IGSF21: variants seen among roughly 807,000 people sequenced by gnomAD.
IGSF21 encodes immunoglobin superfamily member 21.
IGSF21 carries 28 observed loss-of-function variants against 46.8 expected under a neutral mutation model. That is an observed-to-expected ratio of 0.60 (90% confidence interval 0.44 to 0.82). The LOEUF is 0.82. Among genes scored for constraint, IGSF21 ranks in the 40% least tolerant of loss-of-function variants. The pLI is 0.00. For synonymous variants in IGSF21, 284 were observed against 273.6 expected (o/e 1.04, Z -0.38); for missense variants, 624 against 665.5 (o/e 0.94, Z 0.69).
At chr1:18,272,198 A>T (rs1372618820) in intron 2 of IGSF21, among the ~76,000 whole-genome samples, 1 of 152,028 alleles carries the variant, frequency 6.6e-6, no homozygotes, top group Non-Finnish European at 1.5e-5. Flanking sequence ...CTCTCGTGAG[A>T]CTTATTCACT....
At chr1:18,233,410 A>T (rs577566130) in intron 2 of IGSF21, among the ~76,000 whole-genome samples, 60 of 152,270 alleles carry the variant, frequency 3.9e-4, no homozygotes, top group Middle Eastern at 3.4e-3. Context: ...TTGAGACTAG[A>T]GGCTGGGAAG....
chr1:18,133,320 C>T (rs1214661283), intron 1 of IGSF21, among the ~76,000 whole-genome samples: 1 of 152,200 alleles, frequency 6.6e-6, no homozygotes, highest in Non-Finnish European at 1.5e-5. Flanking sequence ...GGTCTAACCC[C>T]CATGTCACGG....
In IGSF21 at chr1:18,299,443, C is replaced by T. The variant is rs183142736; in HGVS notation, c.305+7456C>T. ...ACAAAGAAAAGTGCCATCTGACCCT[C>T]GTTGATTTCAAAGTCTGAATTCTCC... On this transcript the variant is annotated intron_variant, in intron 3 of 9. Transcript: ENST00000251296. 7.2e-5 allele frequency among the ~76,000 whole-genome samples: 11 copies of T among 152,336 alleles called. No homozygotes were observed. In the East Asian group the frequency reaches 7.7e-4, roughly 11 times the overall value.
intron 2 of IGSF21, among the ~76,000 whole-genome samples, chr1:18,280,933 A>G (rs561231373): frequency 3.3e-5 from 5 of 152,284 alleles, no homozygotes; most frequent in African/African-American, 1.2e-4. Flanking sequence ...CCTCCCTGGC[A>G]GAGCTCCCCG....
At chr1:18,216,895 G>C (rs188034117) in intron 1 of IGSF21, among the ~76,000 whole-genome samples, 2 of 152,168 alleles carry the variant, frequency 1.3e-5, no homozygotes, top group African/African-American at 4.8e-5. Flanking sequence ...TGTAGCACTG[G>C]AACCCAGGGA....
chr1:18,289,812 G>A (rs1193260535), intron 2 of IGSF21, among the ~76,000 whole-genome samples: 1 of 152,148 alleles, frequency 6.6e-6, no homozygotes, highest in Non-Finnish European at 1.5e-5. Flanking sequence ...TATGTCCCCT[G>A]GTGGTTAGGG....
chr1:18,223,569 G>A (rs1195538191), intron 1 of IGSF21, among the ~76,000 whole-genome samples: 1 of 152,172 alleles, frequency 6.6e-6, no homozygotes, highest in Non-Finnish European at 1.5e-5. Context: ...TTACAGGAGG[G>A]TACGAGGACC....
intron 2 of IGSF21, among the ~76,000 whole-genome samples, chr1:18,275,113 C>T (rs1029186257): frequency 1.3e-5 from 2 of 152,146 alleles, no homozygotes; most frequent in African/African-American, 2.4e-5. Flanking sequence ...TCTTAAAAAC[C>T]GATTACAAAT....
rs2085782224 is a variant in IGSF21 at position 18,337,536 on chromosome 1, G to A, written c.424+2526G>A. 6.6e-6 allele frequency among the ~76,000 whole-genome samples: 1 copy of A among 152,106 alleles called. No individual in the cohort carries two copies. Among genetic ancestry groups the A allele is most frequent in the Non-Finnish European group, 1.5e-5 (1 of 68,032 alleles). On this transcript the variant is annotated intron_variant, in intron 4 of 9. Coordinates refer to ENST00000251296, the MANE Select transcript of IGSF21 (RefSeq NM_032880.5). This position sits in a 1 kb window ranked among gnomAD's most constrained non-coding sequence, Gnocchi z 5.7. ...CCCATTCACAGCTCCAAAGAGCCCT[G>A]CACTAGTCTGAGGAATGACTGCTCT...
chr1:18,279,613 G>C (rs1402865737), intron 2 of IGSF21, among the ~76,000 whole-genome samples: 1 of 152,220 alleles, frequency 6.6e-6, no homozygotes. Flanking sequence ...ACCAGTGAGT[G>C]GCTGAGCAGA....
rs150482007 is a variant in IGSF21 at position 18,323,880 on chromosome 1, A to G, written c.306-11012A>G. Among the ~76,000 whole-genome samples, 1,197 of 152,316 alleles carry G rather than the reference A, an allele frequency of 7.9e-3. 8 individuals are homozygous for G. Among genetic ancestry groups the G allele is most frequent in the Non-Finnish European group, 0.013 (871 of 68,024 alleles). Reference sequence around the variant, plus strand: ...TAAAGGCCCTGAAGAAAAAGATTTCAGGCAGCCTTGGAATTGGCGAAAACA... The same window carrying G: ...TAAAGGCCCTGAAGAAAAAGATTTCGGGCAGCCTTGGAATTGGCGAAAACA... On this transcript the variant is annotated intron_variant, in intron 3 of 9. Transcript: ENST00000251296.
At chr1:18,182,494 T>G (rs1018529262) in intron 1 of IGSF21, among the ~76,000 whole-genome samples, 3 of 152,156 alleles carry the variant, frequency 2.0e-5, no homozygotes, top group African/African-American at 7.2e-5. Flanking sequence ...AAAGTGTCTT[T>G]TGAGGGTAAC....
At chr1:18,273,728 A>G (rs1243509649) in intron 2 of IGSF21, among the ~76,000 whole-genome samples, 3 of 151,754 alleles carry the variant, frequency 2.0e-5, no homozygotes, top group Non-Finnish European at 4.4e-5. Flanking sequence ...GTTTCCTTAT[A>G]ATAGAAACCA....
At chr1:18,159,174 C>T (rs1295483327) in intron 1 of IGSF21, among the ~76,000 whole-genome samples, 1 of 152,212 alleles carries the variant, frequency 6.6e-6, no homozygotes, top group Non-Finnish European at 1.5e-5. Flanking sequence ...TGGTGTCCAG[C>T]ACAGCTCCGG....
chr1:18,341,501 T>G (rs1356642368), intron 4 of IGSF21, among the ~76,000 whole-genome samples: 1 of 152,188 alleles, frequency 6.6e-6, no homozygotes, highest in African/African-American at 2.4e-5. Context: ...GCTGACACTC[T>G]CTGCTCCCAA....
chr1:18,202,882 C>G (rs2087090817), intron 1 of IGSF21, among the ~76,000 whole-genome samples: 1 of 152,228 alleles, frequency 6.6e-6, no homozygotes, highest in South Asian at 2.1e-4. Flanking sequence ...AGAGAAGGCA[C>G]AGACTATGCA....
At chr1:18,191,084 G>A (rs551030760) in intron 1 of IGSF21, among the ~76,000 whole-genome samples, 3 of 152,300 alleles carry the variant, frequency 2.0e-5, no homozygotes, top group African/African-American at 7.2e-5. Flanking sequence ...GACCCAGAAG[G>A]AGATAATTCC....
chr1:18,259,626 A>G (rs2084928220), intron 2 of IGSF21, among the ~76,000 whole-genome samples: 1 of 152,160 alleles, frequency 6.6e-6, no homozygotes, highest in South Asian at 2.1e-4. Flanking sequence ...CATTTTATAT[A>G]AAGAAGAGAG....
intron 4 of IGSF21, among the ~76,000 whole-genome samples, chr1:18,354,263 G>T (rs1168369624): frequency 6.6e-6 from 1 of 152,220 alleles, no homozygotes; most frequent in Non-Finnish European, 1.5e-5. Flanking sequence ...GATGAGCAAA[G>T]TGAAGAGGGA....
Sources: allele counts gnomAD v4.1 joint callset (sites outside exome capture counted in the v4.1 genomes callset), GRCh38; gene constraint gnomAD v4.1.1; non-coding constraint Gnocchi (gnomAD v3.1); transcripts MANE v1.5; gene names NCBI Gene and HGNC (gene_info 2026-07-23, HGNC 2026-07-21).